ENC1: variants seen among roughly 807,000 people sequenced by gnomAD.
ENC1 encodes ectoderm-neural cortex protein 1.
Under a neutral mutation model 40.9 loss-of-function variants are expected in ENC1, and 19 were observed. The ratio of observed to expected loss-of-function variants is 0.46; its 90% CI spans 0.32 to 0.68. ENC1 has a LOEUF of 0.68. Ranked by LOEUF, ENC1 falls within the 30% of genes least tolerant of loss-of-function variation. ENC1 has a pLI of 0.03. For missense variants in ENC1, 479 were observed against 737.5 expected (o/e 0.65, Z 4.06); for synonymous variants, 285 against 291.1 (o/e 0.98, Z 0.21).
In ENC1 at chr5:74,639,892, C is replaced by T. The variant is rs1747777181; in HGVS notation, c.-14+415G>A. On this transcript the variant is annotated intron_variant, in intron 1 of 2. Transcript: ENST00000302351. ...GGTGTCTGTGCATGGCCCCAACTTT[C>T]CTCCAAGCCGGGGAGGATGCAACGT... 2.0e-5 allele frequency: 3 copies of T among 152,326 alleles called. No homozygotes were observed. In the South Asian group the frequency reaches 6.2e-4, roughly 32 times the overall value. 9.4% of individuals were successfully genotyped at this position (152,326 alleles called of 1,614,324 possible).
chr5:74,636,242 T>C lies in ENC1; in HGVS notation c.244A>G (p.Ser82Gly), dbSNP rs746480154. 1.2e-6 allele frequency: 2 copies of C among 1,614,168 alleles called. No individual in the cohort carries two copies. The highest frequency in any genetic ancestry group is 3.3e-5 in the Admixed American group (2 of 60,030). The change falls in exon 2 of 3, where the codon AGC becomes GGC. Residue 82 changes from serine (S) to glycine (G), a missense_variant. Ser to Gly is a moderately conservative substitution (Grantham distance 56, BLOSUM62 0). Transcript: ENST00000302351. This position sits in a 1 kb window ranked among gnomAD's most constrained non-coding sequence, Gnocchi z 4.8. Reference sequence around the variant, plus strand: ...TCAAAGTTGACCTCACTGTCCTGGCTCTCTTTCAGGCCACCACTGAACATG... The same window carrying C: ...TCAAAGTTGACCTCACTGTCCTGGCCCTCTTTCAGGCCACCACTGAACATG... Reference protein sequence around the residue: ...EAMFSGGLKESQDSEVNFDNS... With the variant: ...EAMFSGGLKEGQDSEVNFDNS...
chr5:74,627,909 C>T lies in ENC1; in HGVS notation c.*2116G>A, dbSNP rs190845002. The T allele has an allele frequency of 1.6e-4, 24 of 152,784 alleles. No homozygotes were observed. In the East Asian group the frequency reaches 4.2e-3, roughly 27 times the overall value. 9.5% of individuals were successfully genotyped at this position (152,784 alleles called of 1,614,324 possible). ...GCTGGGGGCCCAACCCTTACCACAGCTCCCTCTGGCTCACACACAGTAATT... is the reference window on the plus strand; with the variant it reads ...GCTGGGGGCCCAACCCTTACCACAGTTCCCTCTGGCTCACACACAGTAATT... On this transcript the variant is annotated 3_prime_UTR_variant, in exon 3 of 3. Coordinates refer to ENST00000302351, the MANE Select transcript of ENC1 (RefSeq NM_003633.4).
Position 74,640,593 on chromosome 5 carries a change from C to G in ENC1, c.-300G>C, listed in dbSNP as rs1747825765. ...AGCAAGCCTGCCACTGCAGGCGCCG[C>G]GGAAGGAGGCGGGCTGTGCGCTCGG... On this transcript the variant is annotated 5_prime_UTR_variant, in exon 1 of 3. Transcript: ENST00000302351. The G allele has an allele frequency of 6.6e-6, 1 of 152,350 alleles. No individual in the cohort carries two copies. Among genetic ancestry groups the G allele is most frequent in the African/African-American group, 2.4e-5 (1 of 41,468 alleles). The allele number at this position is 152,350 out of a possible 1,614,324, so 9.4% of individuals were successfully genotyped here.
At chr5:74,638,505 A>C (rs754246513) in intron 1 of ENC1, among the ~76,000 whole-genome samples, 2 of 152,202 alleles carry the variant, frequency 1.3e-5, no homozygotes, top group Non-Finnish European at 2.9e-5. Context: ...TAATTTCCAC[A>C]GTGACTTGAG....
Position 74,629,823 on chromosome 5 carries a change from A to G in ENC1, c.*202T>C, listed in dbSNP as rs1008302593. On this transcript the variant is annotated 3_prime_UTR_variant, in exon 3 of 3. Coordinates refer to ENST00000302351, the MANE Select transcript of ENC1 (RefSeq NM_003633.4). ...TTTAAACCATGTGCTACTTGCACCA[A>G]AAATCCCACCCCCCTCCCTCGCCCC... is the stretch of plus-strand genomic sequence containing the variant. The G allele has an allele frequency of 4.2e-5, 6 of 144,520 alleles. No individual in the cohort carries two copies. The highest frequency in any genetic ancestry group is 1.3e-4 in the African/African-American group (5 of 39,824). The allele number at this position is 144,520 out of a possible 1,614,324, so 9.0% of individuals were successfully genotyped here. A position where few individuals can be genotyped will look rare whatever the true frequency, so the allele number is the denominator to read the frequency against.
At position 74,635,460 on chromosome 5, in the gene ENC1, C is replaced by T. The variant is rs919131141; in HGVS notation, c.1026G>A (p.Val342=). 2 of 1,614,040 alleles carry T rather than the reference C, an allele frequency of 1.2e-6. No individual in the cohort carries two copies. Among genetic ancestry groups the T allele is most frequent in the Admixed American group, 1.7e-5 (1 of 60,008 alleles). Residue 342 remains valine (V), a synonymous_variant, in exon 2 of 3, where the codon GTG becomes GTA. Transcript: ENST00000302351. The surrounding 1 kb of genome is among the most constrained non-coding windows in gnomAD (Gnocchi z 5.5). ...CAGACCCCCGCCCCCCAGTAATGTA[C>T]ACTTTGCAGCCAATCGCACATGCAC... ...EFSACAIGCK[V]YITGGRGSEN...
At chr5:74,632,845 T>C (rs1190311674) in intron 2 of ENC1, among the ~76,000 whole-genome samples, 1 of 152,158 alleles carries the variant, frequency 6.6e-6, no homozygotes, top group Non-Finnish European at 1.5e-5. Flanking sequence ...AATAAGACTC[T>C]GTCTCAAAAA....
intron 1 of ENC1, among the ~76,000 whole-genome samples, chr5:74,639,389 A>T (rs1467247222): frequency 6.6e-6 from 1 of 152,262 alleles, no homozygotes; most frequent in African/African-American, 2.4e-5. Context: ...TACGTCTGCA[A>T]AGAAGACAGA....
At position 74,636,438 on chromosome 5, in the gene ENC1, G is replaced by A. The variant is rs150725748; in HGVS notation, c.48C>T (p.Gly16=). ...TGTGAAACAGATAGATGTTAATGGAGCCGCTGCTGGCCCTGGACTTGCGGT... is the reference window on the plus strand; with the variant it reads ...TGTGAAACAGATAGATGTTAATGGAACCGCTGCTGGCCCTGGACTTGCGGT... ...HENRKSRASS[G]SINIYLFHKS... The change falls in exon 2 of 3, where the codon GGC becomes GGT. Residue 16 remains glycine, a synonymous_variant. Coordinates refer to ENST00000302351, the MANE Select transcript of ENC1 (RefSeq NM_003633.4). The surrounding 1 kb of genome is among the most constrained non-coding windows in gnomAD (Gnocchi z 4.8). 91 of 1,613,580 alleles carry A rather than the reference G, an allele frequency of 5.6e-5. No individual in the cohort carries two copies. In the African/African-American group the frequency reaches 8.1e-4, roughly 14 times the overall value.
chr5:74,635,203 G>A lies in ENC1; in HGVS notation c.1283C>T (p.Ala428Val). The change falls in exon 2 of 3, where the codon GCC becomes GTC. Residue 428 changes from alanine (A) to valine (V), a missense_variant. Coordinates refer to ENST00000302351, the MANE Select transcript of ENC1 (RefSeq NM_003633.4). The surrounding 1 kb of genome is among the most constrained non-coding windows in gnomAD (Gnocchi z 5.5). Reference sequence around the variant, plus strand: ...GTTGCTAACGCCTTCTCGGAGTGGGGCCACCATGGTCCATTTGTTGATTGT... The same window carrying A: ...GTTGCTAACGCCTTCTCGGAGTGGGACCACCATGGTCCATTTGTTGATTGT... ...DPTINKWTMVAPLREGVSNAA... is the reference protein window; with the variant it reads ...DPTINKWTMVVPLREGVSNAA... 6.2e-7 allele frequency: 1 copy of A among 1,614,180 alleles called. No individual in the cohort carries two copies. The highest frequency in any genetic ancestry group is 8.5e-7 in the Non-Finnish European group (1 of 1,180,034).
rs747647836 is a variant in ENC1 at position 74,636,012 on chromosome 5, T to A, written c.474A>T (p.Ala158=). ...GTTCGTACAGCTTGGTGCACTGGTGTGCATCAGACAGCAGCAGCATGCCCA... is the reference window on the plus strand; with the variant it reads ...GTTCGTACAGCTTGGTGCACTGGTGAGCATCAGACAGCAGCAGCATGCCCA... ...NCLGMLLLSD[A]HQCTKLYELS... Residue 158 remains alanine (A), a synonymous_variant, in exon 2 of 3, where the codon GCA becomes GCT. Transcript: ENST00000302351. This position sits in a 1 kb window ranked among gnomAD's most constrained non-coding sequence, Gnocchi z 4.8. 6.2e-7 allele frequency: 1 copy of A among 1,614,048 alleles called. No individual in the cohort carries two copies. The highest frequency in any genetic ancestry group is 1.3e-5 in the African/African-American group (1 of 74,926).
At chr5:74,640,193 A>G (rs1401078804) in intron 1 of ENC1, 114 bp downstream of exon 1, 1 of 151,892 alleles carries the variant, frequency 6.6e-6, no homozygotes, top group East Asian at 1.9e-4. Flanking sequence ...CCTCTAGTCG[A>G]AGCTCCCGAG....
In ENC1 at chr5:74,636,702, G is replaced by C. The variant is rs1199749440; in HGVS notation, c.-13-204C>G. Among the ~76,000 whole-genome samples the C allele has an allele frequency of 1.3e-5, 2 of 148,794 alleles. No individual in the cohort carries two copies. Among genetic ancestry groups the C allele is most frequent in the Non-Finnish European group, 3.0e-5 (2 of 67,534 alleles). ...AAGGATATTCACTGCTAATACTGTT[G>C]AGCTATTTGAACTCTGCACTGTTTA... On this transcript the variant is annotated intron_variant, in intron 1 of 2. Coordinates refer to ENST00000302351, the MANE Select transcript of ENC1 (RefSeq NM_003633.4). The surrounding 1 kb of genome is among the most constrained non-coding windows in gnomAD (Gnocchi z 4.8).
chr5:74,638,815 G>T (rs1010794359), intron 1 of ENC1, among the ~76,000 whole-genome samples: 4 of 152,214 alleles, frequency 2.6e-5, no homozygotes, highest in Non-Finnish European at 5.9e-5. Context: ...ATGCTGCCCT[G>T]AGTGAAGGAA....
rs1316789039 is a variant in ENC1 at position 74,628,148 on chromosome 5, C to T, written c.*1877G>A. On this transcript the variant is annotated 3_prime_UTR_variant, in exon 3 of 3. Coordinates refer to ENST00000302351, the MANE Select transcript of ENC1 (RefSeq NM_003633.4). ...TTAGAACACATCTAGGAACCAGGGA[C>T]TGACTGCTGGAAAGTACTGTGATTC... is the stretch of plus-strand genomic sequence containing the variant. The T allele has an allele frequency of 1.3e-5, 2 of 152,636 alleles. No homozygotes were observed. Among genetic ancestry groups the T allele is most frequent in the Non-Finnish European group, 2.9e-5 (2 of 68,054 alleles). The allele number at this position is 152,636 out of a possible 1,614,324, so 9.5% of individuals were successfully genotyped here.
chr5:74,638,187 T>G (rs1264759139), intron 1 of ENC1, among the ~76,000 whole-genome samples: 1 of 152,212 alleles, frequency 6.6e-6, no homozygotes, highest in Middle Eastern at 3.2e-3. Context: ...CCTTTAACCA[T>G]TCAGACATTT....
intron 2 of ENC1, among the ~76,000 whole-genome samples, chr5:74,634,377 A>C (rs1293385836): frequency 6.6e-6 from 1 of 152,112 alleles, no homozygotes; most frequent in African/African-American, 2.4e-5. Context: ...ATGCCACTGC[A>C]CTCTAGCCTG....
rs1393303508 is a variant in ENC1 at position 74,635,344 on chromosome 5, T to C, written c.1142A>G (p.His381Arg). 6.2e-7 allele frequency: 1 copy of C among 1,614,194 alleles called. No homozygotes were observed. Among genetic ancestry groups the C allele is most frequent in the South Asian group, 1.1e-5 (1 of 91,090 alleles). Residue 381 changes from histidine (H) to arginine (R), a missense_variant, in exon 2 of 3, where the codon CAT becomes CGT. Coordinates refer to ENST00000302351, the MANE Select transcript of ENC1 (RefSeq NM_003633.4). The surrounding 1 kb of genome is among the most constrained non-coding windows in gnomAD (Gnocchi z 5.5). ...GCAGTGCTTCAGTTCAGCAGAGCCATGGCCAAACCTGGCCACCAGCATGGG... is the reference window on the plus strand; with the variant it reads ...GCAGTGCTTCAGTTCAGCAGAGCCACGGCCAAACCTGGCCACCAGCATGGG... ...AAPMLVARFG[H>R]GSAELKHCLY...
chr5:74,634,745 C>T lies in ENC1; in HGVS notation c.1741G>A (p.Val581Ile). The change falls in exon 2 of 3, where the codon GTC (valine) becomes ATC (isoleucine). Residue 581 changes from valine (V) to isoleucine (I), a missense_variant. Physicochemically the swap from Val to Ile is conservative, Grantham distance 29. Transcript: ENST00000302351. Reference sequence around the variant, plus strand: ...GAAGGCAGATGTTTCCAGGTGCTGACAAATGCAGTAGGAATCAGCGAGTAC... The same window carrying T: ...GAAGGCAGATGTTTCCAGGTGCTGATAAATGCAGTAGGAATCAGCGAGTAC... ...VPYSLIPTAF[V>I]STWKHLPS The T allele has an allele frequency of 1.2e-6, 2 of 1,611,576 alleles. No individual in the cohort carries two copies. The highest frequency in any genetic ancestry group is 8.5e-7 in the Non-Finnish European group (1 of 1,177,786).
Sources: gnomAD v4.1 joint callset for allele counts (sites outside exome capture counted in the v4.1 genomes callset) on GRCh38, gnomAD v4.1.1 for gene constraint, Gnocchi (gnomAD v3.1) non-coding constraint, MANE v1.5 for transcripts, NCBI Gene and HGNC (gene_info 2026-07-23, HGNC 2026-07-21) for gene names.